STXBP5L: variants seen among roughly 807,000 people sequenced by gnomAD.
STXBP5L encodes the protein syntaxin-binding protein 5-like.
A neutral mutation model predicts 144.5 loss-of-function variants in STXBP5L; 65 were observed. The ratio of observed to expected loss-of-function variants is 0.45; its 90% confidence interval spans 0.37 to 0.55. The LOEUF (loss-of-function observed/expected upper bound fraction) is 0.55, where lower values mean the gene tolerates loss of function less well. STXBP5L is among the 20% of genes least tolerant of loss of function. The pLI is 0.00. For synonymous variants in STXBP5L, 505 were observed against 469.6 expected, an observed-to-expected ratio of 1.08 and a Z score of -0.97; for missense variants, 1,298 against 1,405.5, an observed-to-expected ratio of 0.92 and a Z score of 1.22.
chr3:120,949,750 G>T (rs1320266578), intron 2 of STXBP5L, among the ~76,000 whole-genome samples: 1 of 151,786 alleles, frequency 6.6e-6, no homozygotes, highest in African/African-American at 2.4e-5. Context: ...TGTATTTCTG[G>T]GTTCTTTATT....
chr3:120,957,186 G>A (rs2107712694), intron 3 of STXBP5L, among the ~76,000 whole-genome samples: 1 of 151,980 alleles, frequency 6.6e-6, no homozygotes, highest in Non-Finnish European at 1.5e-5. Context: ...CTATAGGTAT[G>A]TTTCTATGTT....
At chr3:121,051,529 T>C (rs1379107155) in intron 5 of STXBP5L, among the ~76,000 whole-genome samples, 2 of 152,178 alleles carry the variant, frequency 1.3e-5, no homozygotes, top group African/African-American at 2.4e-5. Context: ...AGATGTTCTT[T>C]GAAACCAACG....
At chr3:121,395,531 T>C (rs2046707448) in intron 22 of STXBP5L, among the ~76,000 whole-genome samples, 1 of 152,204 alleles carries the variant, frequency 6.6e-6, no homozygotes, top group Non-Finnish European at 1.5e-5. Flanking sequence ...TACAAATAGG[T>C]TTTTGAGGGT....
chr3:121,013,918 TGTCAA>T (rs1464912898), intron 3 of STXBP5L, among the ~76,000 whole-genome samples: 1 of 152,110 alleles, frequency 6.6e-6, no homozygotes, highest in Non-Finnish European at 1.5e-5. Flanking sequence ...TGTTTATTTT[TGTCAA>T]CTTTGTCAAA....
intron 22 of STXBP5L, among the ~76,000 whole-genome samples, chr3:121,387,716 A>C (rs113138204): frequency 0.49 from 74,219 of 151,946 alleles, 18,570 homozygotes; most frequent in East Asian, 0.73. Flanking sequence ...GATGGTGTAG[A>C]TGTGTGATGT....
chr3:121,047,675 T>C (rs1172958667), intron 5 of STXBP5L, among the ~76,000 whole-genome samples: 1 of 152,066 alleles, frequency 6.6e-6, no homozygotes, highest in African/African-American at 2.4e-5. Flanking sequence ...CAACCCCTGC[T>C]TTTTTCTGAC....
chr3:121,131,158 A>G (rs1036546725), intron 7 of STXBP5L, among the ~76,000 whole-genome samples: 2 of 152,164 alleles, frequency 1.3e-5, no homozygotes, highest in Non-Finnish European at 2.9e-5. Context: ...CAAGAAAAAC[A>G]GGGAGAAAAC....
intron 3 of STXBP5L, among the ~76,000 whole-genome samples, chr3:120,979,521 C>G (rs539420550): frequency 2.6e-5 from 4 of 152,294 alleles, no homozygotes; most frequent in South Asian, 4.1e-4. Flanking sequence ...ATGCCTCACC[C>G]TGCTTTGGCT....
intron 18 of STXBP5L, among the ~76,000 whole-genome samples, chr3:121,277,853 G>T (rs2050933267): frequency 6.6e-6 from 1 of 151,994 alleles, no homozygotes; most frequent in African/African-American, 2.4e-5. Context: ...GGAGAGCTCT[G>T]CAGTTTCATT....
At chr3:121,174,440 T>C (rs190902220) in intron 9 of STXBP5L, among the ~76,000 whole-genome samples, 24 of 152,120 alleles carry the variant, frequency 1.6e-4, no homozygotes, top group Non-Finnish European at 1.3e-4. Context: ...ACTTCCAATA[T>C]ACTTATAGAA....
Position 121,347,028 on chromosome 3 carries a change from A to T in STXBP5L, c.2176+28488A>T, listed in dbSNP as rs957152427. Among the ~76,000 whole-genome samples the T allele has an allele frequency of 7.9e-5, 12 of 152,318 alleles. No homozygotes were observed. The East Asian group carries it at 1.2e-3, about 15-fold the overall frequency. ...TGTTTTAGACATGAAGTCCTTGCCC[A>T]TGCCTATGTCCTGAATGGTATTGCC... On this transcript the variant is annotated intron_variant, in intron 20 of 26. Transcript: ENST00000471454.
At chr3:121,255,150 A>G (rs201071511) in intron 16 of STXBP5L, 38 bp downstream of exon 16, 3 of 1,459,764 alleles carry the variant, frequency 2.1e-6, no homozygotes, top group African/African-American at 2.8e-5. Flanking sequence ...TTTTACAGTT[A>G]TTAAAAGAAA....
chr3:121,189,281 C>T (rs1326311122), intron 9 of STXBP5L, among the ~76,000 whole-genome samples: 1 of 152,180 alleles, frequency 6.6e-6, no homozygotes, highest in Non-Finnish European at 1.5e-5. Context: ...GTGTTTTAAA[C>T]ATGAAGTCCT....
intron 8 of STXBP5L, 88 bp downstream of exon 8, chr3:121,152,648 T>A: frequency 4.1e-6 from 4 of 982,770 alleles, no homozygotes; most frequent in Non-Finnish European, 4.4e-6. Flanking sequence ...ACCAGTATGT[T>A]TAGCCTTGGA....
chr3:121,085,436 T>G (rs1193106837), intron 5 of STXBP5L, among the ~76,000 whole-genome samples: 1 of 152,130 alleles, frequency 6.6e-6, no homozygotes, highest in Non-Finnish European at 1.5e-5. Flanking sequence ...AGCCTCAGCC[T>G]AAAGCTTCTT....
At chr3:120,954,589 T>C (rs1937814762) in intron 2 of STXBP5L, among the ~76,000 whole-genome samples, 1 of 152,128 alleles carries the variant, frequency 6.6e-6, no homozygotes, top group African/African-American at 2.4e-5. Context: ...TCCAGATTTT[T>C]ACTATTTTGA....
At position 121,421,659 on chromosome 3, in the gene STXBP5L, T is replaced by C. The variant is rs930197962; in HGVS notation, c.*2562T>C. On this transcript the variant is annotated 3_prime_UTR_variant, in exon 27 of 27. Transcript: ENST00000471454. ...CATGTGTGGTTCATATGCAATAAGA[T>C]ACAATTTTGAAGAAAGCTTATAGGA... 1.3e-5 allele frequency: 2 copies of C among 152,202 alleles called. No homozygotes were observed. The highest frequency in any genetic ancestry group is 2.4e-5 in the African/African-American group (1 of 41,466). The allele number at this position is 152,202 out of a possible 1,614,324, so 9.4% of individuals were successfully genotyped here. A position where few individuals can be genotyped will look rare whatever the true frequency, so the allele number is the denominator to read the frequency against.
intron 9 of STXBP5L, among the ~76,000 whole-genome samples, chr3:121,197,029 C>T (rs142536465): frequency 2.0e-5 from 3 of 152,154 alleles, no homozygotes; most frequent in East Asian, 1.9e-4. Context: ...AACATACTTG[C>T]TTATGGCTAT....
intron 3 of STXBP5L, among the ~76,000 whole-genome samples, chr3:121,008,002 A>G (rs893171219): frequency 4.3e-4 from 65 of 152,042 alleles, no homozygotes; most frequent in Non-Finnish European, 1.2e-4. Context: ...CTAAGGTTGT[A>G]ATAGATATTT....
Sources: allele counts gnomAD v4.1 joint callset (sites outside exome capture counted in the v4.1 genomes callset), GRCh38; gene constraint gnomAD v4.1.1; transcripts MANE v1.5; gene names NCBI Gene and HGNC (gene_info 2026-07-23, HGNC 2026-07-21).